Variants in DNAI1 observed in about 807,000 individuals in gnomAD.
DNAI1 encodes the protein dynein, axonemal, intermediate polypeptide 1.
Under a neutral mutation model 92.0 loss-of-function variants are expected in DNAI1, and 67 were observed. The ratio of observed to expected loss-of-function variants is 0.73; its 90% CI spans 0.60 to 0.89. The LOEUF (loss-of-function observed/expected upper bound fraction) is 0.89. Ranked by LOEUF, DNAI1 falls within the 40% of genes least tolerant of loss-of-function variation. The probability of loss-of-function intolerance (pLI) is 0.00; values close to 1 mark genes in which losing one functional copy is unlikely to be tolerated. For synonymous variants in DNAI1, 323 were observed against 319.6 expected (o/e 1.01, Z -0.11); for missense variants, 839 against 866.6 (o/e 0.97, Z 0.40).
Position 34,490,445 on chromosome 9 carries a change from A to C in DNAI1, c.578A>C (p.Asn193Thr), listed in dbSNP as rs770544613. Residue 193 changes from asparagine (N) to threonine (T), a missense_variant, in exon 7 of 20, where the codon AAC becomes ACC. By Grantham distance (65) the Asn-to-Thr change is moderately conservative. Coordinates refer to ENST00000242317, the MANE Select transcript of DNAI1 (RefSeq NM_012144.4). ...GAGAGAAAGCTCACTAACCAGTTCA[A>C]CTTCAGTGAGAGGGCCTCACAGACC... is the stretch of plus-strand genomic sequence containing the variant. ...PKERKLTNQF[N>T]FSERASQTYN... 4 of 1,614,062 alleles carry C rather than the reference A, an allele frequency of 2.5e-6. No homozygotes were observed. The East Asian group carries it at 6.7e-5, about 27-fold the overall frequency.
At chr9:34,511,745 A>G (rs1825068692) in intron 13 of DNAI1, among the ~76,000 whole-genome samples, 1 of 152,106 alleles carries the variant, frequency 6.6e-6, no homozygotes, top group African/African-American at 2.4e-5. Context: ...TTTCCAGGCC[A>G]TGTTTATTTA....
rs144345152 is a variant in DNAI1 at position 34,499,903 on chromosome 9, G to A, written c.902-819G>A. On this transcript the variant is annotated intron_variant, in intron 10 of 19. Coordinates refer to ENST00000242317, the MANE Select transcript of DNAI1 (RefSeq NM_012144.4). ...AGTGAGGAAAGGGGTGTCGTGAGGT[G>A]CCTTGTTTGTACTCACACTGGTTGT... Among the ~76,000 whole-genome samples, 519 of 152,266 alleles carry A rather than the reference G, an allele frequency of 3.4e-3. 2 individuals carry two copies. Among genetic ancestry groups the A allele is most frequent in the African/African-American group, 0.011 (475 of 41,548 alleles).
chr9:34,490,465 C>A lies in DNAI1; in HGVS notation c.598C>A (p.Gln200Lys). Residue 200 changes from glutamine to lysine, a missense_variant, in exon 7 of 20, where the codon CAG becomes AAG. By Grantham distance (53) the Gln-to-Lys change is moderately conservative (BLOSUM62 1). Coordinates refer to ENST00000242317, the MANE Select transcript of DNAI1 (RefSeq NM_012144.4). ...GTTCAACTTCAGTGAGAGGGCCTCACAGACCTACAACAACCCTGTCCGGGT... is the reference window on the plus strand; with the variant it reads ...GTTCAACTTCAGTGAGAGGGCCTCAAAGACCTACAACAACCCTGTCCGGGT... Reference protein sequence around the residue: ...NQFNFSERASQTYNNPVRDRE... With the variant: ...NQFNFSERASKTYNNPVRDRE... 1 of 1,614,212 alleles carries A rather than the reference C, an allele frequency of 6.2e-7. No individual in the cohort carries two copies. Among genetic ancestry groups the A allele is most frequent in the South Asian group, 1.1e-5 (1 of 91,088 alleles).
Position 34,478,940 on chromosome 9 carries a change from G to A in DNAI1, c.49-4508G>A, listed in dbSNP as rs1037209685. ...TTCAGTACTTGTGATGGAAGGTGGA[G>A]GGTAGCCTTGCTTAAAGTGAGGAAA... is the stretch of plus-strand genomic sequence containing the variant. On this transcript the variant is annotated intron_variant, in intron 1 of 19. Transcript: ENST00000242317. 2.0e-5 allele frequency: 3 copies of A among 152,294 alleles called. No individual in the cohort carries two copies. The East Asian group carries it at 5.8e-4, about 29-fold the overall frequency. 9.4% of individuals were successfully genotyped at this position (152,294 alleles called of 1,614,324 possible).
At chr9:34,489,861 G>A (rs949522966) in intron 5 of DNAI1, 151 bp from the exon 6 acceptor site, 16 of 1,142,774 alleles carry the variant, frequency 1.4e-5, no homozygotes, top group Non-Finnish European at 1.5e-5. Flanking sequence ...AAAAAAAAAA[G>A]CCCAATAGCT....
In DNAI1 at chr9:34,492,491, A is replaced by AAGAG. The variant is rs1554688172; in HGVS notation, c.682-700_682-699insGAGA. On this transcript the variant is annotated intron_variant, in intron 8 of 19. Transcript: ENST00000242317. The stretch of plus-strand genomic sequence containing the variant: ...TGTCCGGGGTGGGGGTGGGGATATG[A>AAGAG]AGATATATATATATATATATATATA... Among the ~76,000 whole-genome samples the AAGAG allele has an allele frequency of 6.1e-4, 17 of 27,768 alleles. No individual in the cohort carries two copies. In the South Asian group the frequency reaches 6.2e-3, roughly 10 times the overall value. 18.2% of individuals were successfully genotyped at this position (27,768 alleles called of 152,430 possible). A position where few individuals can be genotyped will look rare whatever the true frequency, so the allele number is the denominator to read the frequency against.
At chr9:34,505,616 C>T (rs1824911481) in intron 12 of DNAI1, among the ~76,000 whole-genome samples, 1 of 152,242 alleles carries the variant, frequency 6.6e-6, no homozygotes, top group Non-Finnish European at 1.5e-5. Flanking sequence ...AGTCATTAAA[C>T]AGCTGCTGTC....
At chr9:34,500,010 T>A (rs1824795910) in intron 10 of DNAI1, among the ~76,000 whole-genome samples, 1 of 152,020 alleles carries the variant, frequency 6.6e-6, no homozygotes, top group Non-Finnish European at 1.5e-5. Context: ...AGGTGATGGA[T>A]GTTGGGGCCT....
In DNAI1 at chr9:34,520,751, A is replaced by T. The variant is rs1825266709; in HGVS notation, c.2095A>T (p.Thr699Ser). Residue 699 changes from threonine to serine, a missense_variant, in exon 20 of 20, where the codon ACC becomes TCC. Thr to Ser is a moderately conservative substitution (Grantham distance 58). Transcript: ENST00000242317. ...CCTGGTGAGGGAAGTGAAAATCAAG[A>T]CCTGAGGGGCTGGCCTCAGTCTCTG... ...LNLVREVKIK[T>S] 1 of 1,551,398 alleles carries T rather than the reference A, an allele frequency of 6.4e-7. No individual in the cohort carries two copies.
intron 1 of DNAI1, among the ~76,000 whole-genome samples, chr9:34,472,796 G>A (rs1304332106): frequency 2.6e-5 from 4 of 151,986 alleles, no homozygotes; most frequent in Non-Finnish European, 5.9e-5. Context: ...TAGCTACTTG[G>A]GAGGGTGAAG....
chr9:34,494,379 A>G (rs1429467468), intron 9 of DNAI1, among the ~76,000 whole-genome samples: 1 of 152,162 alleles, frequency 6.6e-6, no homozygotes, highest in East Asian at 1.9e-4. Context: ...CCAAGTACCT[A>G]GTGATCATGG....
At chr9:34,473,723 G>A (rs1824184066) in intron 1 of DNAI1, among the ~76,000 whole-genome samples, 1 of 151,924 alleles carries the variant, frequency 6.6e-6, no homozygotes, top group African/African-American at 2.4e-5. Flanking sequence ...TGCGTGGGTG[G>A]GTTAGTTGGT....
chr9:34,483,502 GTC>G (rs748440935), intron 2 of DNAI1, 22 bp downstream of exon 2: 2 of 1,608,218 alleles, frequency 1.2e-6, no homozygotes, highest in Non-Finnish European at 1.7e-6. Flanking sequence ...GACTACCATG[GTC>G]TCTCAGCAAG....
chr9:34,474,327 C>T (rs1321375980), intron 1 of DNAI1, among the ~76,000 whole-genome samples: 6 of 151,072 alleles, frequency 4.0e-5, no homozygotes, highest in Admixed American at 6.6e-5. Flanking sequence ...CTCTACCTCC[C>T]GGGCTCAAGG....
At chr9:34,512,510 T>G in intron 15 of DNAI1, 86 bp downstream of exon 15, 1 of 1,298,096 alleles carries the variant, frequency 7.7e-7, no homozygotes, top group South Asian at 1.2e-5. Context: ...TTCCCCTGAC[T>G]GAGTGCTCCC....
intron 10 of DNAI1, 131 bp from the exon 11 acceptor site, chr9:34,500,591 G>A (rs1214045243): frequency 2.9e-6 from 2 of 697,144 alleles, no homozygotes; most frequent in Admixed American, 2.1e-5. Context: ...TCTGAGATAG[G>A]TAGTAGTATT....
intron 18 of DNAI1, among the ~76,000 whole-genome samples, chr9:34,516,896 C>A (rs547250797): frequency 6.6e-6 from 1 of 151,806 alleles, no homozygotes; most frequent in African/African-American, 2.4e-5. Flanking sequence ...TGCACCACCA[C>A]GCCCATCTAA....
intron 1 of DNAI1, among the ~76,000 whole-genome samples, chr9:34,462,925 T>C (rs1823976182): frequency 6.6e-6 from 1 of 152,334 alleles, no homozygotes; most frequent in Admixed American, 6.5e-5. Flanking sequence ...CCTGCTCTCA[T>C]GGAGCTTATT....
rs935448293 is a variant in DNAI1 at position 34,512,034 on chromosome 9, G to A, written c.1312-75G>A. 8.1e-5 allele frequency: 116 copies of A among 1,434,750 alleles called. No individual in the cohort carries two copies. The African/African-American group carries it at 1.4e-3, about 17-fold the overall frequency. 88.9% of individuals were successfully genotyped at this position (1,434,750 alleles called of 1,614,324 possible). A position where few individuals can be genotyped will look rare whatever the true frequency, so the allele number is the denominator to read the frequency against. On this transcript the variant is annotated intron_variant, in intron 13 of 19. Coordinates refer to ENST00000242317, the MANE Select transcript of DNAI1 (RefSeq NM_012144.4). ...TCTGAGCCTCAGATGGGTGCTTGGG[G>A]GAGCCCTGCTCTGCCCACAGCCCTA...
Sources: gnomAD v4.1 joint callset for allele counts (sites outside exome capture counted in the v4.1 genomes callset) on GRCh38, gnomAD v4.1.1 for gene constraint, MANE v1.5 for transcripts, NCBI Gene and HGNC (gene_info 2026-07-23, HGNC 2026-07-21) for gene names.